The following ADCY3 variants were observed in gnomAD, a reference collection of about 807,000 sequenced individuals.
The protein encoded by ADCY3 is adenylate cyclase type 3.
In ADCY3, 70 loss-of-function variants were observed where a neutral mutation model predicts 119.4. That is an observed-to-expected ratio of 0.59 (90% confidence interval 0.48 to 0.72). The LOEUF is 0.72. ADCY3 is among the 30% of genes least tolerant of loss of function. The probability of loss-of-function intolerance (pLI) is 0.00; values close to 1 mark genes in which losing one functional copy is unlikely to be tolerated. For missense variants in ADCY3, 1,238 were observed against 1,541.6 expected (o/e 0.80, Z 3.30); for synonymous variants, 672 against 621.4 (o/e 1.08, Z -1.21).
chr2:24,822,769 G>T, intron 18 of ADCY3, 139 bp from the exon 19 acceptor site: 2 of 1,168,614 alleles, frequency 1.7e-6, no homozygotes, highest in Non-Finnish European at 2.4e-6. Context: ...TTAGTCTACC[G>T]CTTATCTGCC....
chr2:24,865,161 A>G (rs1674125516), intron 3 of ADCY3, among the ~76,000 whole-genome samples: 2 of 152,168 alleles, frequency 1.3e-5, no homozygotes, highest in Admixed American at 6.5e-5. Flanking sequence ...GCTCTCTAAG[A>G]TAGTAGGTGA....
intron 6 of ADCY3, chr2:24,840,551 GC>G: frequency 2.1e-6 from 1 of 467,998 alleles, no homozygotes; most frequent in Non-Finnish European, 4.4e-6. Flanking sequence ...ATGCAAAGCC[GC>G]CCCCTCGGAG....
Position 24,872,806 on chromosome 2 carries a change from G to C in ADCY3, c.676-87C>G. ...ATGGAGAAGGGGATGGAGGAGGTGG[G>C]GTGGGTGGTGACCAAAATCAAACCT... On this transcript the variant is annotated intron_variant, in intron 2 of 21. Coordinates refer to ENST00000679454, the MANE Select transcript of ADCY3 (RefSeq NM_004036.5). The surrounding 1 kb of genome is among the most constrained non-coding windows in gnomAD (Gnocchi z 4.4). 6 of 1,507,740 alleles carry C rather than the reference G, an allele frequency of 4.0e-6. No homozygotes were observed. The highest frequency in any genetic ancestry group is 5.4e-6 in the Non-Finnish European group (6 of 1,109,994). 93.4% of individuals were successfully genotyped at this position (1,507,740 alleles called of 1,614,324 possible).
intron 21 of ADCY3, chr2:24,820,450 C>T: frequency 7.5e-7 from 1 of 1,328,540 alleles, no homozygotes; most frequent in Non-Finnish European, 9.6e-7. Flanking sequence ...TGCCAGACGC[C>T]ACTGAGACAG....
At chr2:24,871,017 T>C (rs544714629) in intron 3 of ADCY3, among the ~76,000 whole-genome samples, 12 of 152,214 alleles carry the variant, frequency 7.9e-5, no homozygotes, top group Non-Finnish European at 1.8e-4. Flanking sequence ...CAGTGTGAGT[T>C]AAGATGTCCT....
chr2:24,865,559 G>A (rs904872022), intron 3 of ADCY3, among the ~76,000 whole-genome samples: 1 of 147,626 alleles, frequency 6.8e-6, no homozygotes, highest in Non-Finnish European at 1.5e-5. Context: ...CCTCTGAAAG[G>A]GTACATTAAA....
chr2:24,904,185 A>AAG (rs1184225351), intron 2 of ADCY3, among the ~76,000 whole-genome samples: 3 of 152,114 alleles, frequency 2.0e-5, no homozygotes, highest in Non-Finnish European at 4.4e-5. Flanking sequence ...GAGAGAAAGA[A>AAG]AGAGAGAGAA....
intron 3 of ADCY3, among the ~76,000 whole-genome samples, chr2:24,863,224 G>T (rs796793575): frequency 5.9e-5 from 9 of 152,226 alleles, no homozygotes; most frequent in African/African-American, 2.2e-4. Context: ...CGGTGGGCTG[G>T]GAAAGGCAGA....
At chr2:24,864,380 G>C (rs1674041799) in intron 3 of ADCY3, among the ~76,000 whole-genome samples, 1 of 152,026 alleles carries the variant, frequency 6.6e-6, no homozygotes. Context: ...TCCACTTTTG[G>C]GTATATATCC....
intron 2 of ADCY3, among the ~76,000 whole-genome samples, chr2:24,901,224 C>G (rs375458413): frequency 9.2e-5 from 14 of 152,186 alleles, no homozygotes; most frequent in African/African-American, 3.4e-4. Flanking sequence ...AATCAACTGA[C>G]GTTACACGTG....
chr2:24,836,452 C>T (rs1020488246), intron 9 of ADCY3, among the ~76,000 whole-genome samples: 8 of 152,180 alleles, frequency 5.3e-5, no homozygotes, highest in Non-Finnish European at 1.0e-4. Context: ...TGGGTGCTCC[C>T]CAAGAGGCAC....
At chr2:24,917,084 G>A (rs936735614) in intron 2 of ADCY3, among the ~76,000 whole-genome samples, 1 of 152,230 alleles carries the variant, frequency 6.6e-6, no homozygotes, top group African/African-American at 2.4e-5. Context: ...AAATCAGCAG[G>A]ATGAGACATG....
At chr2:24,837,990 A>G (rs1214981721) in intron 8 of ADCY3, among the ~76,000 whole-genome samples, 1 of 150,092 alleles carries the variant, frequency 6.7e-6, no homozygotes, top group Non-Finnish European at 1.5e-5. Flanking sequence ...CTTCTATCTC[A>G]TTCCTCCCTC....
chr2:24,846,831 A>T (rs113640020), intron 3 of ADCY3, among the ~76,000 whole-genome samples: 32 of 152,282 alleles, frequency 2.1e-4, no homozygotes, highest in African/African-American at 7.5e-4. Context: ...CACTCGCCTC[A>T]GCCTCCCAAA....
In ADCY3 at chr2:24,834,875, C is replaced by T. The variant is rs780263332; in HGVS notation, c.1724G>A (p.Arg575Gln). 2.2e-5 allele frequency: 36 copies of T among 1,613,706 alleles called. No homozygotes were observed. In the East Asian group the frequency reaches 4.5e-4, roughly 20 times the overall value. ...RRLRLQDLADRVVDASEDEHE... is the reference protein window; with the variant it reads ...RRLRLQDLADQVVDASEDEHE... Reference sequence around the variant, plus strand: ...CTCATCTTCAGAGGCATCCACCACTCGGTCAGCCAGGTCCTGCAGGCGCAG... The same window carrying T: ...CTCATCTTCAGAGGCATCCACCACTTGGTCAGCCAGGTCCTGCAGGCGCAG... The change falls in exon 10 of 22, where the codon CGA becomes CAA. Residue 575 changes from arginine to glutamine, a missense_variant. By Grantham distance (43) the Arg-to-Gln change is conservative. This residue lies in a region of ADCY3 where 499 missense variants were observed against 571.0 expected (regional missense o/e 0.87). Transcript: ENST00000679454. This position sits in a 1 kb window ranked among gnomAD's most constrained non-coding sequence, Gnocchi z 4.2.
At chr2:24,847,235 G>A (rs113732938) in intron 3 of ADCY3, among the ~76,000 whole-genome samples, 1,848 of 152,238 alleles carry the variant, frequency 0.012, 39 homozygotes, top group African/African-American at 0.042. Flanking sequence ...AGGAGTTTCC[G>A]CTTTTGCTTC....
At chr2:24,867,763 G>A (rs182247683) in intron 3 of ADCY3, among the ~76,000 whole-genome samples, 5 of 152,184 alleles carry the variant, frequency 3.3e-5, no homozygotes, top group South Asian at 2.1e-4. Flanking sequence ...GCAATTGAGA[G>A]GGCAAAACTG....
chr2:24,826,440 G>T (rs535250782), intron 15 of ADCY3: 1 of 260,594 alleles, frequency 3.8e-6, no homozygotes, highest in African/African-American at 2.2e-5. Context: ...AACCATGCAG[G>T]AATTTGGAGA....
Position 24,840,321 on chromosome 2 carries a change from A to G in ADCY3, c.1197-290T>C, listed in dbSNP as rs554729349. 3.3e-5 allele frequency among the ~76,000 whole-genome samples: 5 copies of G among 152,312 alleles called. 1 individual carries two copies. In the East Asian group the frequency reaches 7.7e-4, roughly 24 times the overall value. On this transcript the variant is annotated intron_variant, in intron 6 of 21. Coordinates refer to ENST00000679454, the MANE Select transcript of ADCY3 (RefSeq NM_004036.5). ...CAATTACTCTTTTATTCATTCGTGC[A>G]GTTAATATTTCACTGAGCATCAAGT...
Sources: allele counts gnomAD v4.1 joint callset (sites outside exome capture counted in the v4.1 genomes callset), GRCh38; gene constraint gnomAD v4.1.1; regional missense constraint gnomAD v4.1.1; non-coding constraint Gnocchi (gnomAD v3.1); transcripts MANE v1.5; gene names NCBI Gene and HGNC (gene_info 2026-07-23, HGNC 2026-07-21).